BBS2: variants seen among roughly 807,000 people sequenced by gnomAD.
BBS2 encodes the protein Bardet-Biedl syndrome 2, also known as BBSome complex member BBS2.
A neutral mutation model predicts 83.0 loss-of-function variants in BBS2; 62 were observed. The observed-to-expected ratio is 0.75, with a 90% CI of 0.61 to 0.92. BBS2 has a LOEUF of 0.92. BBS2 is among the 40% of genes least tolerant of loss of function. The pLI, the probability that BBS2 is intolerant of heterozygous loss-of-function variation, is 0.00. For missense variants in BBS2, 784 were observed against 901.0 expected (o/e 0.87, Z 1.66); for synonymous variants, 303 against 326.1 (o/e 0.93, Z 0.76).
intron 17 of BBS2, among the ~76,000 whole-genome samples, chr16:56,472,089 G>A (rs761782904): frequency 3.9e-5 from 6 of 151,982 alleles, no homozygotes; most frequent in Non-Finnish European, 7.4e-5. Context: ...AGTATCCCAA[G>A]TAGCTGGGAT....
intron 3 of BBS2, 64 bp downstream of exon 3, chr16:56,511,095 T>TA: frequency 1.9e-6 from 3 of 1,607,250 alleles, no homozygotes; most frequent in Non-Finnish European, 2.6e-6. Flanking sequence ...AGTTGGTGGT[T>TA]AAAAAAGAAC....
chr16:56,470,897 T>A, intron 17 of BBS2: 1 of 1,179,264 alleles, frequency 8.5e-7, no homozygotes. Context: ...CCCTAAGCCC[T>A]ATTTCAGGAA....
Position 56,519,880 on chromosome 16 carries a change from G to T in BBS2, c.-18C>A. 6.2e-7 allele frequency: 1 copy of T among 1,600,374 alleles called. No homozygotes were observed. Among genetic ancestry groups the T allele is most frequent in the Non-Finnish European group, 8.6e-7 (1 of 1,167,730 alleles). On this transcript the variant is annotated 5_prime_UTR_variant, in exon 1 of 17. Transcript: ENST00000245157. ...AGCAGCATGATGGCGGCGGCTTAGG[G>T]GAGGAGGGCTGGAAGCTGGAGACAA...
At chr16:56,498,678 CTTCT>C in intron 12 of BBS2, 110 bp from the exon 13 acceptor site, 3 of 1,578,118 alleles carry the variant, frequency 1.9e-6, no homozygotes, top group Non-Finnish European at 2.6e-6. Context: ...AAGAGTTCTC[CTTCT>C]TTCTAGTTTT....
intron 12 of BBS2, chr16:56,499,008 G>A: frequency 3.5e-6 from 1 of 285,328 alleles, no homozygotes; most frequent in Non-Finnish European, 6.8e-6. Context: ...AAGTATACAT[G>A]GGCAAACACC....
intron 16 of BBS2, 106 bp downstream of exon 16, chr16:56,485,484 T>A (rs1254307947): frequency 2.8e-6 from 4 of 1,424,946 alleles, no homozygotes; most frequent in Non-Finnish European, 4.0e-6. Context: ...GTGAAAGGTA[T>A]GCTACTTTCA....
At chr16:56,514,728 G>T (rs1250428605) in intron 1 of BBS2, 48 bp from the exon 2 acceptor site, 2 of 1,394,292 alleles carry the variant, frequency 1.4e-6, no homozygotes, top group Non-Finnish European at 2.0e-6. Flanking sequence ...TAAAAAATTA[G>T]TATCATACAT....
intron 17 of BBS2, chr16:56,475,036 A>G (rs1053683117): frequency 7.8e-6 from 11 of 1,417,530 alleles, no homozygotes; most frequent in Middle Eastern, 1.8e-4. Flanking sequence ...GAACCAATTC[A>G]TAAGTAATTT....
intron 5 of BBS2, 129 bp downstream of exon 5, chr16:56,509,828 C>G: frequency 1.2e-6 from 1 of 847,706 alleles, no homozygotes; most frequent in Non-Finnish European, 2.0e-6. Context: ...CTGTCTGACC[C>G]CCTCCCCAAG....
At chr16:56,480,352 CA>C (rs1286219655), downstream of BBS2, among the ~76,000 whole-genome samples, 26 of 76,540 alleles carry the variant, frequency 3.4e-4, no homozygotes, top group Middle Eastern at 7.0e-3. Flanking sequence ...CACACACACA[CA>C]AAAAAAAAAA....
intron 2 of BBS2, among the ~76,000 whole-genome samples, chr16:56,513,585 A>G (rs1271522863): frequency 5.3e-5 from 8 of 152,254 alleles, no homozygotes; most frequent in African/African-American, 1.9e-4. Flanking sequence ...AAAAGAAGGC[A>G]GTCACAAATG....
At chr16:56,487,776 A>T (rs1295066706) in intron 15 of BBS2, among the ~76,000 whole-genome samples, 2 of 152,206 alleles carry the variant, frequency 1.3e-5, no homozygotes, top group Non-Finnish European at 2.9e-5. Context: ...AGAACAAACA[A>T]GCACAAGTAG....
intron 9 of BBS2, 156 bp from the exon 10 acceptor site, chr16:56,501,653 C>T: frequency 9.8e-7 from 1 of 1,020,412 alleles, no homozygotes. Context: ...GAACTCACCT[C>T]ATTAGTGCTC....
At chr16:56,519,469 A>G (rs1212168151) in intron 1 of BBS2, 6 of 451,032 alleles carry the variant, frequency 1.3e-5, no homozygotes, top group South Asian at 1.1e-4. Flanking sequence ...CCCTTCCCTC[A>G]GGAGACGTCT....
chr16:56,502,808 C>G lies in BBS2; in HGVS notation c.805G>C (p.Val269Leu), dbSNP rs1964315030. 6.2e-7 allele frequency: 1 copy of G among 1,614,110 alleles called. No individual in the cohort carries two copies. The change falls in exon 8 of 17, where the codon GTT becomes CTT. Residue 269 changes from valine (V) to leucine (L), a missense_variant and splice_region_variant. Coordinates refer to ENST00000245157, the MANE Select transcript of BBS2 (RefSeq NM_031885.5). The stretch of plus-strand genomic sequence containing the variant: ...CCAGTTCGGTCACTTCGAGCATCAA[C>G]CTACAAATAAAACACAAATTTAAAA... The part of the protein sequence containing the change: ...ELITGWSNGK[V>L]DARSDRTGEV...
intron 15 of BBS2, among the ~76,000 whole-genome samples, chr16:56,490,115 C>A (rs1320863709): frequency 7.5e-6 from 1 of 132,782 alleles, no homozygotes; most frequent in Non-Finnish European, 1.6e-5. Context: ...CCCTATCTCA[C>A]ACACACACAC....
At position 56,506,114 on chromosome 16, in the gene BBS2, AC is replaced by A; in HGVS notation, c.717+5del. On this transcript the variant is annotated splice_donor_5th_base_variant and intron_variant, in intron 6 of 16. Transcript: ENST00000245157. ...GCCTGAATATCAAAGGCTAAATTAT[AC>A]TAACTTTAATTCTCCAGTATCGGGA... 6.2e-7 allele frequency: 1 copy of A among 1,612,828 alleles called. No homozygotes were observed. Among genetic ancestry groups the A allele is most frequent in the Non-Finnish European group, 8.5e-7 (1 of 1,178,832 alleles).
chr16:56,473,098 C>T (rs891979052), intron 17 of BBS2, among the ~76,000 whole-genome samples: 21 of 151,898 alleles, frequency 1.4e-4, no homozygotes, highest in African/African-American at 5.1e-4. Flanking sequence ...GCCCGGCTAA[C>T]GTTTTGTATT....
intron 3 of BBS2, 50 bp from the exon 4 acceptor site, chr16:56,510,971 T>G: frequency 6.3e-7 from 1 of 1,598,890 alleles, no homozygotes; most frequent in Non-Finnish European, 8.6e-7. Context: ...CTCCATTTAC[T>G]CCAAATATAT....
Sources: gnomAD v4.1 joint callset for allele counts (sites outside exome capture counted in the v4.1 genomes callset) on GRCh38, gnomAD v4.1.1 for gene constraint, MANE v1.5 for transcripts, NCBI Gene and HGNC (gene_info 2026-07-23, HGNC 2026-07-21) for gene names.